RELN: variants seen among roughly 807,000 people sequenced by gnomAD.
RELN encodes reelin.
RELN carries 108 observed loss-of-function variants against 427.6 expected under a neutral mutation model. The ratio of observed to expected loss-of-function variants is 0.25; its 90% CI spans 0.22 to 0.30. The LOEUF is 0.30. Among genes scored for constraint, RELN ranks in the 10% least tolerant of loss-of-function variants. RELN has a pLI of 1.00. For synonymous variants in RELN, 1,524 were observed against 1,513.4 expected, an observed-to-expected ratio of 1.01 and a Z score of -0.16; for missense variants, 3,715 against 4,302.8, an observed-to-expected ratio of 0.86 and a Z score of 3.82.
chr7:103,593,934 C>G lies in RELN; in HGVS notation c.3712-52G>C, dbSNP rs370774129. 3 of 1,397,804 alleles carry G rather than the reference C, an allele frequency of 2.1e-6. No individual in the cohort carries two copies. In the African/African-American group the frequency reaches 4.3e-5, roughly 20 times the overall value. The allele number at this position is 1,397,804 out of a possible 1,614,324, so 86.6% of individuals were successfully genotyped here. On this transcript the variant is annotated intron_variant, in intron 26 of 64. Transcript: ENST00000428762. Reference sequence around the variant, plus strand: ...AAAGGCAATTTGATAGCTTTGAAAACAAGAAAGGAATTTTCATTTCATGAC... The same window carrying G: ...AAAGGCAATTTGATAGCTTTGAAAAGAAGAAAGGAATTTTCATTTCATGAC...
Position 103,553,047 on chromosome 7 carries a change from T to C in RELN, c.6072+414A>G, listed in dbSNP as rs917717671. Among the ~76,000 whole-genome samples, 4 of 152,226 alleles carry C rather than the reference T, an allele frequency of 2.6e-5. No individual in the cohort carries two copies. In the East Asian group the frequency reaches 7.7e-4, roughly 29 times the overall value. ...TGAAATTATAAAACAGTATTATCTGTAAAATTAATAACATCATGACAAATA... is the reference window on the plus strand; with the variant it reads ...TGAAATTATAAAACAGTATTATCTGCAAAATTAATAACATCATGACAAATA... On this transcript the variant is annotated intron_variant, in intron 40 of 64. Coordinates refer to ENST00000428762, the MANE Select transcript of RELN (RefSeq NM_005045.4).
intron 8 of RELN, among the ~76,000 whole-genome samples, chr7:103,713,334 G>T (rs531560595): frequency 6.6e-6 from 1 of 152,248 alleles, no homozygotes; most frequent in South Asian, 2.1e-4. Flanking sequence ...GATGCATTCT[G>T]GCTACTCAGA....
At chr7:103,497,601 T>G (rs1176444368) in intron 55 of RELN, among the ~76,000 whole-genome samples, 1 of 152,238 alleles carries the variant, frequency 6.6e-6, no homozygotes, top group African/African-American at 2.4e-5. Context: ...TCATAAAGTT[T>G]GGACTTTATT....
At chr7:103,834,363 C>T (rs1199129612) in intron 2 of RELN, among the ~76,000 whole-genome samples, 1 of 152,106 alleles carries the variant, frequency 6.6e-6, no homozygotes, top group African/African-American at 2.4e-5. Flanking sequence ...TTAGTCTTGT[C>T]TGTGTTCAGC....
intron 27 of RELN, among the ~76,000 whole-genome samples, chr7:103,590,977 T>A (rs1482244589): frequency 6.6e-6 from 1 of 152,218 alleles, no homozygotes; most frequent in East Asian, 1.9e-4. Flanking sequence ...GGAGTCAAAA[T>A]GTAGAAACAC....
At chr7:103,868,590 C>G (rs1305578118) in intron 2 of RELN, among the ~76,000 whole-genome samples, 1 of 152,038 alleles carries the variant, frequency 6.6e-6, no homozygotes, top group South Asian at 2.1e-4. Flanking sequence ...CATAATCAGA[C>G]AGGACTAAAC....
intron 2 of RELN, among the ~76,000 whole-genome samples, chr7:103,855,755 G>A (rs1444869700): frequency 3.3e-5 from 5 of 152,098 alleles, no homozygotes; most frequent in East Asian, 3.9e-4. Context: ...CCTAGCTTCT[G>A]GCAGCCTCAG....
rs750003552 is a variant in RELN at position 103,515,459 on chromosome 7, G to T, written c.7863-18C>A. The T allele has an allele frequency of 6.8e-6, 11 of 1,613,068 alleles. No homozygotes were observed. In the Admixed American group the frequency reaches 1.7e-4, roughly 24 times the overall value. ...TCACAAATCTATAGGAAAATGATGG[G>T]GAAGGGTGTGGGGAAGAACCCTTGT... On this transcript the variant is annotated intron_variant, in intron 49 of 64. Coordinates refer to ENST00000428762, the MANE Select transcript of RELN (RefSeq NM_005045.4).
chr7:103,754,557 G>C (rs2116091186), intron 4 of RELN, among the ~76,000 whole-genome samples: 1 of 152,136 alleles, frequency 6.6e-6, no homozygotes, highest in African/African-American at 2.4e-5. Flanking sequence ...AGGATTACTT[G>C]AGGCCAAGAG....
intron 2 of RELN, among the ~76,000 whole-genome samples, chr7:103,847,944 T>C (rs1374141581): frequency 1.3e-5 from 2 of 150,040 alleles, no homozygotes; most frequent in South Asian, 2.2e-4. Context: ...GTTAGTTTCA[T>C]TTAGCAAAGA....
chr7:103,619,113 TA>T (rs398111653), intron 20 of RELN, among the ~76,000 whole-genome samples: 84 of 146,278 alleles, frequency 5.7e-4, no homozygotes, highest in African/African-American at 6.5e-4. Context: ...CCTCTCAAAT[TA>T]AAAAAAAAAA....
At chr7:103,648,830 AT>A (rs1832850685) in intron 16 of RELN, among the ~76,000 whole-genome samples, 1 of 152,122 alleles carries the variant, frequency 6.6e-6, no homozygotes, top group South Asian at 2.1e-4. Context: ...CAACAGGTAT[AT>A]AAAATGCTAA....
intron 3 of RELN, among the ~76,000 whole-genome samples, chr7:103,788,760 A>G (rs1792085517): frequency 6.6e-6 from 1 of 152,238 alleles, no homozygotes; most frequent in South Asian, 2.1e-4. Flanking sequence ...TATACTGCCC[A>G]AAGTAATTTA....
intron 4 of RELN, among the ~76,000 whole-genome samples, chr7:103,771,017 C>T (rs553462239): frequency 7.6e-4 from 114 of 149,260 alleles, no homozygotes; most frequent in African/African-American, 2.7e-3. Flanking sequence ...CAGGTTTAAG[C>T]GATTCTCTTG....
chr7:103,621,623 A>G (rs1018446950), intron 20 of RELN, among the ~76,000 whole-genome samples: 1 of 152,198 alleles, frequency 6.6e-6, no homozygotes, highest in Non-Finnish European at 1.5e-5. Context: ...AGTGAAAGGC[A>G]GCAAGGCAGG....
intron 3 of RELN, 124 bp downstream of exon 3, chr7:103,833,413 A>C: frequency 2.0e-6 from 2 of 983,376 alleles, no homozygotes; most frequent in Non-Finnish European, 3.2e-6. Context: ...CAACAAAATT[A>C]GTGATTTTAA....
chr7:103,815,394 G>A lies in RELN; in HGVS notation c.473+18143C>T, dbSNP rs1243736559. Among the ~76,000 whole-genome samples the A allele has an allele frequency of 2.6e-5, 4 of 152,264 alleles. No individual in the cohort carries two copies. In the East Asian group the frequency reaches 7.7e-4, roughly 29 times the overall value. On this transcript the variant is annotated intron_variant, in intron 3 of 64. Coordinates refer to ENST00000428762, the MANE Select transcript of RELN (RefSeq NM_005045.4). ...ACAAGTAGCTGGGTGGACATCTTTAGGATGTAATCTTCCTCAGATTTAAAA... is the reference window on the plus strand; with the variant it reads ...ACAAGTAGCTGGGTGGACATCTTTAAGATGTAATCTTCCTCAGATTTAAAA...
At chr7:103,663,367 C>T (rs1057262311) in intron 11 of RELN, among the ~76,000 whole-genome samples, 8 of 152,096 alleles carry the variant, frequency 5.3e-5, no homozygotes, top group East Asian at 1.9e-4. Context: ...TGAGCGATGG[C>T]GGGATTAAGG....
rs1793072842 is a variant in RELN, at chr7:103,824,092, G to A, written c.473+9445C>T. The stretch of plus-strand genomic sequence containing the variant: ...TGTTTTCTGTCGTTGATATACTGAA[G>A]GCTTATCACGACCTTTATCAGTACT... On this transcript the variant is annotated intron_variant, in intron 3 of 64. Coordinates refer to ENST00000428762, the MANE Select transcript of RELN (RefSeq NM_005045.4). The surrounding 1 kb of genome is among the most constrained non-coding windows in gnomAD (Gnocchi z 4.4). Among the ~76,000 whole-genome samples the A allele has an allele frequency of 6.6e-6, 1 of 151,810 alleles. No individual in the cohort carries two copies. The highest frequency in any genetic ancestry group is 1.5e-5 in the Non-Finnish European group (1 of 67,942).
Sources: gnomAD v4.1 joint callset for allele counts (sites outside exome capture counted in the v4.1 genomes callset) on GRCh38, gnomAD v4.1.1 for gene constraint, Gnocchi (gnomAD v3.1) non-coding constraint, MANE v1.5 for transcripts, NCBI Gene and HGNC (gene_info 2026-07-23, HGNC 2026-07-21) for gene names.